Variants in MROH9 observed in about 807,000 individuals in gnomAD.
MROH9 encodes maestro heat-like repeat-containing protein family member 9.
MROH9 carries 92 observed loss-of-function variants against 98.2 expected under a neutral mutation model. That is an observed-to-expected ratio of 0.94 (90% CI 0.79 to 1.11). The LOEUF (loss-of-function observed/expected upper bound fraction) is 1.11. Ranked by LOEUF, MROH9 falls within the 50% of genes most tolerant of loss-of-function variation. The probability of loss-of-function intolerance (pLI) is 0.00; values close to 1 mark genes in which losing one functional copy is unlikely to be tolerated. For missense variants in MROH9, 1,057 were observed against 1,014.8 expected, an observed-to-expected ratio of 1.04 and a Z score of -0.57; for synonymous variants, 397 against 368.9, an observed-to-expected ratio of 1.08 and a Z score of -0.87.
At chr1:171,059,582 A>C (rs1000937816) in intron 20 of MROH9, among the ~76,000 whole-genome samples, 2 of 152,222 alleles carry the variant, frequency 1.3e-5, no homozygotes, top group African/African-American at 4.8e-5. Context: ...ATAAAGACAC[A>C]TGCACACCTA....
intron 20 of MROH9, among the ~76,000 whole-genome samples, chr1:171,027,019 AAGG>A (rs778992587): frequency 1.1e-4 from 16 of 152,220 alleles, no homozygotes; most frequent in Non-Finnish European, 2.2e-4. Flanking sequence ...AGTAAGGGAC[AAGG>A]AGTACAGGGT....
At chr1:171,006,204 C>A (rs551162664) in intron 15 of MROH9, among the ~76,000 whole-genome samples, 1 of 150,280 alleles carries the variant, frequency 6.7e-6, no homozygotes, top group Non-Finnish European at 1.5e-5. Flanking sequence ...GTATAGTATT[C>A]TTGGTTGTCA....
At chr1:170,986,353 G>C (rs1218047782) in intron 9 of MROH9, among the ~76,000 whole-genome samples, 1 of 152,100 alleles carries the variant, frequency 6.6e-6, no homozygotes, top group South Asian at 2.1e-4. Flanking sequence ...ATTTCACTTG[G>C]ATTATAGTCA....
chr1:170,945,508 T>A lies in MROH9; in HGVS notation c.-37-12T>A, dbSNP rs758768009. The stretch of plus-strand genomic sequence containing the variant: ...TTCTGGTTTATGTACTAATACGTGA[T>A]ATTTTTTGCAGCATTACTAGTAGAA... On this transcript the variant is annotated splice_polypyrimidine_tract_variant and intron_variant, in intron 1 of 21. Transcript: ENST00000367759. The A allele has an allele frequency of 1.2e-6, 2 of 1,603,576 alleles. No homozygotes were observed. Among genetic ancestry groups the A allele is most frequent in the Non-Finnish European group, 1.7e-6 (2 of 1,171,216 alleles).
At chr1:170,960,869 TCCTCCCACCTTGG>T (rs1374885969) in intron 5 of MROH9, among the ~76,000 whole-genome samples, 2 of 152,174 alleles carry the variant, frequency 1.3e-5, no homozygotes, top group Admixed American at 6.5e-5. Flanking sequence ...ACTCTAGCAA[TCCTCCCACCTTGG>T]CCTCCCAAAT....
rs540960081 is a variant in MROH9, at chr1:170,988,909, T to C, written c.880-946T>C. Among the ~76,000 whole-genome samples the C allele has an allele frequency of 5.3e-5, 8 of 152,262 alleles. No individual in the cohort carries two copies. The East Asian group carries it at 7.7e-4, about 15-fold the overall frequency. On this transcript the variant is annotated intron_variant, in intron 10 of 21. Coordinates refer to ENST00000367759, the MANE Select transcript of MROH9 (RefSeq NM_001163629.2). Reference sequence around the variant, plus strand: ...GCATTTAAAATAGGAAGAGGACAACTAGAAGAAGCTCTAAATCCTATACTT... The same window carrying C: ...GCATTTAAAATAGGAAGAGGACAACCAGAAGAAGCTCTAAATCCTATACTT...
At chr1:170,967,889 G>A (rs1650295363) in intron 7 of MROH9, among the ~76,000 whole-genome samples, 1 of 152,094 alleles carries the variant, frequency 6.6e-6, no homozygotes, top group East Asian at 1.9e-4. Flanking sequence ...TGGATGGTGG[G>A]TTTCCAGCTA....
chr1:170,999,819 A>G (rs748442554), intron 15 of MROH9, among the ~76,000 whole-genome samples: 3 of 152,056 alleles, frequency 2.0e-5, no homozygotes, highest in Non-Finnish European at 2.9e-5. Flanking sequence ...ATGTTCCCTG[A>G]TCACTGCATT....
intron 8 of MROH9, among the ~76,000 whole-genome samples, chr1:170,974,496 G>T (rs1294006955): frequency 2.0e-5 from 3 of 151,904 alleles, no homozygotes; most frequent in African/African-American, 7.2e-5. Flanking sequence ...ACAAGTTATA[G>T]GCAATGAAGG....
chr1:170,970,819 TGG>T (rs1650429955), intron 7 of MROH9, among the ~76,000 whole-genome samples: 2 of 145,924 alleles, frequency 1.4e-5, no homozygotes. Flanking sequence ...GCAGGGAAAA[TGG>T]GGCATGAAAA....
At chr1:170,949,829 A>G (rs1649477730) in intron 3 of MROH9, among the ~76,000 whole-genome samples, 1 of 152,002 alleles carries the variant, frequency 6.6e-6, no homozygotes, top group African/African-American at 2.4e-5. Flanking sequence ...AAGGAAACAT[A>G]TTTCCCCCAA....
chr1:171,059,119 C>A (rs1653939860), intron 20 of MROH9, among the ~76,000 whole-genome samples: 1 of 151,422 alleles, frequency 6.6e-6, no homozygotes, highest in South Asian at 2.1e-4. Flanking sequence ...CCAGAATCGA[C>A]AAGAAACTTA....
At chr1:171,026,326 G>C (rs544758692) in intron 20 of MROH9, among the ~76,000 whole-genome samples, 2 of 151,186 alleles carry the variant, frequency 1.3e-5, no homozygotes, top group East Asian at 3.9e-4. Flanking sequence ...CTAGGCTGGA[G>C]TGCAGTGGCA....
intron 20 of MROH9, among the ~76,000 whole-genome samples, chr1:171,041,683 C>G (rs987547918): frequency 7.2e-5 from 11 of 151,738 alleles, no homozygotes; most frequent in African/African-American, 2.4e-4. Flanking sequence ...ATTACATTCC[C>G]ACCAACAATG....
chr1:170,951,005 G>A lies in MROH9; in HGVS notation c.72+3432G>A, dbSNP rs140312863. ...AAATCCCTCTTTTTTTCCCTAGTGT[G>A]GGAGAGGGGTCCTAATGAATAAATT... On this transcript the variant is annotated intron_variant, in intron 3 of 21. Coordinates refer to ENST00000367759, the MANE Select transcript of MROH9 (RefSeq NM_001163629.2). Among the ~76,000 whole-genome samples, 56 of 151,870 alleles carry A rather than the reference G, an allele frequency of 3.7e-4. No homozygotes were observed. In the East Asian group the frequency reaches 0.011, roughly 29 times the overall value.
At chr1:171,022,916 C>T (rs566001929) in intron 17 of MROH9, among the ~76,000 whole-genome samples, 1 of 152,190 alleles carries the variant, frequency 6.6e-6, no homozygotes, top group East Asian at 1.9e-4. Flanking sequence ...AAAGAGAAGG[C>T]AATGTTTGGC....
intron 9 of MROH9, among the ~76,000 whole-genome samples, chr1:170,983,842 G>A (rs1215153402): frequency 1.3e-5 from 2 of 152,066 alleles, no homozygotes; most frequent in Non-Finnish European, 2.9e-5. Flanking sequence ...TAAAAATGGA[G>A]AACTTCTGCT....
At position 170,970,559 on chromosome 1, in the gene MROH9, AAGG is replaced by A. The variant is rs1650402550; in HGVS notation, c.481-1186_481-1184del. Among the ~76,000 whole-genome samples the A allele has an allele frequency of 5.9e-5, 9 of 152,250 alleles. No individual in the cohort carries two copies. The South Asian group carries it at 1.9e-3, about 32-fold the overall frequency. ...TCTTTGTACGGGTGGAAAAGAATGC[AAGG>A]AGAATATCCATGGAAAAAAAGAGAT... On this transcript the variant is annotated intron_variant, in intron 7 of 21. Transcript: ENST00000367759.
intron 8 of MROH9, among the ~76,000 whole-genome samples, chr1:170,980,696 GAC>G (rs934261234): frequency 1.3e-5 from 2 of 152,046 alleles, no homozygotes; most frequent in African/African-American, 4.8e-5. Flanking sequence ...TACCATTCAG[GAC>G]ATAAGCATGG....
Sources: allele counts gnomAD v4.1 joint callset (sites outside exome capture counted in the v4.1 genomes callset), GRCh38; gene constraint gnomAD v4.1.1; transcripts MANE v1.5; gene names NCBI Gene and HGNC (gene_info 2026-07-23, HGNC 2026-07-21).